The following OR5K1 variants were observed in gnomAD, a reference collection of about 807,000 sequenced individuals.
OR5K1 encodes the protein olfactory receptor family 5 subfamily K member 1.
Under a neutral mutation model 10.4 loss-of-function variants are expected in OR5K1, and 7 were observed. The observed-to-expected ratio is 0.67, with a 90% CI of 0.38 to 1.26. OR5K1 has a LOEUF of 1.26. Ranked by LOEUF, OR5K1 falls within the 50% of genes most tolerant of loss-of-function variation. OR5K1 has a pLI of 0.02. For synonymous variants in OR5K1, 135 were observed against 128.5 expected (o/e 1.05, Z -0.34); for missense variants, 435 against 366.2 (o/e 1.19, Z -1.53).
intron 1 of OR5K1, among the ~76,000 whole-genome samples, chr3:98,465,125 T>A (rs1705355855): frequency 2.0e-5 from 3 of 152,208 alleles, no homozygotes; most frequent in Admixed American, 2.0e-4. Context: ...GACCTCTAAT[T>A]TTTATTGCAT....
Position 98,470,699 on chromosome 3 carries a change from T to C in OR5K1, c.*196T>C. On this transcript the variant is annotated 3_prime_UTR_variant, in exon 2 of 2. Transcript: ENST00000642057. The stretch of plus-strand genomic sequence containing the variant: ...AAGAGTAAACTGTGGTAAATCTTAA[T>C]TCAAAATAACAAAAATGAAATTCTA... 2 of 365,782 alleles carry C rather than the reference T, an allele frequency of 5.5e-6. No individual in the cohort carries two copies. Among genetic ancestry groups the C allele is most frequent in the Non-Finnish European group, 9.8e-6 (2 of 204,022 alleles). The allele number at this position is 365,782 out of a possible 1,614,324, so 22.7% of individuals were successfully genotyped here. A position where few individuals can be genotyped will look rare whatever the true frequency, so the allele number is the denominator to read the frequency against.
At position 98,470,180 on chromosome 3, in the gene OR5K1, T is replaced by G. The variant is rs781268880; in HGVS notation, c.604T>G (p.Phe202Val). ...TATCAATGAACTGGTTCTATTCATC[T>G]TCTCAGGTTCAGTTCAAGTCTTTAC... is the stretch of plus-strand genomic sequence containing the variant. ...PYINELVLFI[F>V]SGSVQVFTIG... is the part of the protein sequence containing the mutation. The change falls in exon 2 of 2, where the codon TTC becomes GTC. Residue 202 changes from phenylalanine (F) to valine (V), a missense_variant. Transcript: ENST00000642057. 3.1e-6 allele frequency: 5 copies of G among 1,613,404 alleles called. No homozygotes were observed. The South Asian group carries it at 4.4e-5, about 14-fold the overall frequency.
Position 98,470,336 on chromosome 3 carries a change from T to G in OR5K1, c.760T>G (p.Ser254Ala). 6.2e-7 allele frequency: 1 copy of G among 1,613,288 alleles called. No individual in the cohort carries two copies. The highest frequency in any genetic ancestry group is 8.5e-7 in the Non-Finnish European group (1 of 1,179,596). Residue 254 changes from serine to alanine, a missense_variant, in exon 2 of 2, where the codon TCT becomes GCT. Ser to Ala is a moderately conservative substitution (Grantham distance 99, BLOSUM62 1). Coordinates refer to ENST00000642057, the MANE Select transcript of OR5K1 (RefSeq NM_001004736.4). ...TTTGTCAGTTTCATTATTCTATGGATCTCTTTTCTTCATGTACGTTAGACC... is the reference window on the plus strand; with the variant it reads ...TTTGTCAGTTTCATTATTCTATGGAGCTCTTTTCTTCATGTACGTTAGACC... ...HFLSVSLFYGSLFFMYVRPNL... is the reference protein window; with the variant it reads ...HFLSVSLFYGALFFMYVRPNL...
chr3:98,467,936 T>A (rs573231314), intron 1 of OR5K1, among the ~76,000 whole-genome samples: 1 of 151,636 alleles, frequency 6.6e-6, no homozygotes, highest in South Asian at 2.1e-4. Flanking sequence ...TCCAACACTA[T>A]GTTGAATAGG....
Position 98,470,081 on chromosome 3 carries a change from T to C in OR5K1, c.505T>C (p.Cys169Arg). 1 of 1,613,736 alleles carries C rather than the reference T, an allele frequency of 6.2e-7. No individual in the cohort carries two copies. The change falls in exon 2 of 2, where the codon TGT (cysteine) becomes CGT (arginine). Residue 169 changes from cysteine to arginine, a missense_variant. Transcript: ENST00000642057. ...AGGGCTTGTATTTAGGTTAGTTTTC[T>C]GTGGATCGAATCACATCAACCACTT... Reference protein sequence around the residue: ...HVGLVFRLVFCGSNHINHFYC... With the variant: ...HVGLVFRLVFRGSNHINHFYC...
intron 1 of OR5K1, among the ~76,000 whole-genome samples, chr3:98,464,266 C>T (rs529551869): frequency 2.0e-5 from 3 of 152,188 alleles, no homozygotes; most frequent in African/African-American, 7.2e-5. Context: ...AAAAAATAAA[C>T]TTTAAAAAAA....
At chr3:98,465,901 A>AT (rs1705368628) in intron 1 of OR5K1, among the ~76,000 whole-genome samples, 13 of 147,590 alleles carry the variant, frequency 8.8e-5, no homozygotes, top group African/African-American at 2.5e-4. Context: ...TTTTTTTTTA[A>AT]TTTTTTTTTA....
At chr3:98,466,011 T>C (rs1160363579) in intron 1 of OR5K1, among the ~76,000 whole-genome samples, 1 of 152,004 alleles carries the variant, frequency 6.6e-6, no homozygotes, top group Non-Finnish European at 1.5e-5. Flanking sequence ...ACGTGTCATC[T>C]AGCATTAGGT....
chr3:98,464,321 T>C (rs1297499362), intron 1 of OR5K1, among the ~76,000 whole-genome samples: 2 of 152,184 alleles, frequency 1.3e-5, no homozygotes, highest in Non-Finnish European at 2.9e-5. Flanking sequence ...ATTTGAAAGT[T>C]AGTAATACCT....
Position 98,470,368 on chromosome 3 carries a change from G to C in OR5K1, c.792G>C (p.Leu264Phe). Reference sequence around the variant, plus strand: ...TCTTCATGTACGTTAGACCAAATTTGCTTGAAGAAGGGGATAAAGATATAC... The same window carrying C: ...TCTTCATGTACGTTAGACCAAATTTCCTTGAAGAAGGGGATAAAGATATAC... Reference protein sequence around the residue: ...SLFFMYVRPNLLEEGDKDIPA... With the variant: ...SLFFMYVRPNFLEEGDKDIPA... Residue 264 changes from leucine to phenylalanine, a missense_variant, in exon 2 of 2, where the codon TTG becomes TTC. By Grantham distance (22) the Leu-to-Phe change is conservative (BLOSUM62 0). Transcript: ENST00000642057. 6.2e-7 allele frequency: 1 copy of C among 1,612,934 alleles called. No individual in the cohort carries two copies. The highest frequency in any genetic ancestry group is 8.5e-7 in the Non-Finnish European group (1 of 1,179,358).
chr3:98,469,454 G>A (rs1001551429), intron 1 of OR5K1, 112 bp from the exon 2 acceptor site: 1 of 1,017,736 alleles, frequency 9.8e-7, no homozygotes, highest in South Asian at 1.7e-5. Context: ...CAAAGTCCAG[G>A]CAACATGAGG....
At chr3:98,466,738 A>T (rs1194785995) in intron 1 of OR5K1, among the ~76,000 whole-genome samples, 1 of 127,536 alleles carries the variant, frequency 7.8e-6, no homozygotes, top group African/African-American at 3.6e-5. Flanking sequence ...CCACTTTTTG[A>T]TGGGGTTGTT....
chr3:98,468,546 C>T (rs1017020365), intron 1 of OR5K1, among the ~76,000 whole-genome samples: 1 of 152,060 alleles, frequency 6.6e-6, no homozygotes, highest in Non-Finnish European at 1.5e-5. Flanking sequence ...TTTGACTACT[C>T]TAGGTACCTG....
chr3:98,466,722 C>T (rs1223219238), intron 1 of OR5K1, among the ~76,000 whole-genome samples: 6 of 127,846 alleles, frequency 4.7e-5, no homozygotes, highest in African/African-American at 2.1e-4. Flanking sequence ...TGTTCATGTC[C>T]TTCGCCCACT....
intron 1 of OR5K1, among the ~76,000 whole-genome samples, chr3:98,467,753 A>G (rs1705390342): frequency 1.5e-5 from 2 of 136,678 alleles, no homozygotes; most frequent in South Asian, 2.6e-4. Context: ...TTGATTTTGT[A>G]TCCTGAGACT....
rs78443530 is a variant in OR5K1, at chr3:98,471,983, C to A, written c.*1480C>A. On this transcript the variant is annotated 3_prime_UTR_variant, in exon 2 of 2. Transcript: ENST00000642057. Reference sequence around the variant, plus strand: ...AAATTCCATCAATTTAGGATTTACCCAACACTACCTACATCCTTCCTTCAT... The same window carrying A: ...AAATTCCATCAATTTAGGATTTACCAAACACTACCTACATCCTTCCTTCAT... 0.03 allele frequency: 4,531 copies of A among 152,040 alleles called. 123 individuals carry two copies. Among genetic ancestry groups the A allele is most frequent in the Non-Finnish European group, 0.047 (3,219 of 67,930 alleles). 9.4% of individuals were successfully genotyped at this position (152,040 alleles called of 1,614,324 possible).
rs1269625896 is a variant in OR5K1 at position 98,471,204 on chromosome 3, A to G, written c.*701A>G. 1 of 152,046 alleles carries G rather than the reference A, an allele frequency of 6.6e-6. No individual in the cohort carries two copies. The highest frequency in any genetic ancestry group is 1.5e-5 in the Non-Finnish European group (1 of 67,982). 9.4% of individuals were successfully genotyped at this position (152,046 alleles called of 1,614,324 possible). A position where few individuals can be genotyped will look rare whatever the true frequency, so the allele number is the denominator to read the frequency against. ...CCATATCTACCTGCATAAATATACC[A>G]TAACACAAACTTCCAGAAAAGCAGT... On this transcript the variant is annotated 3_prime_UTR_variant, in exon 2 of 2. Transcript: ENST00000642057.
Position 98,469,996 on chromosome 3 carries a change from C to T in OR5K1, c.420C>T (p.Leu140=). ...ACCACATCATGATGTCCAAGAAACT[C>T]TGCATTCAGATGACCACAGGGGCCT... ...LQYHIMMSKK[L]CIQMTTGAFI... Residue 140 remains leucine (L), a synonymous_variant, in exon 2 of 2, where the codon CTC becomes CTT. Transcript: ENST00000642057. 1.9e-6 allele frequency: 3 copies of T among 1,613,682 alleles called. No homozygotes were observed. The highest frequency in any genetic ancestry group is 1.1e-5 in the South Asian group (1 of 91,080).
At position 98,469,581 on chromosome 3, in the gene OR5K1, C is replaced by T; in HGVS notation, c.5C>T (p.Ala2Val). The T allele has an allele frequency of 6.2e-7, 1 of 1,607,252 alleles. No homozygotes were observed. Among genetic ancestry groups the T allele is most frequent in the Non-Finnish European group, 8.5e-7 (1 of 1,175,794 alleles). Reference protein sequence around the residue: MAEENHTMKNEF... With the variant: MVEENHTMKNEF... ...TTTTTTTCAGACAAGTCAGGAATGG[C>T]TGAAGAAAATCATACCATGAAAAAT... The change falls in exon 2 of 2, where the codon GCT becomes GTT. Residue 2 changes from alanine to valine, a missense_variant. Physicochemically the swap from Ala to Val is moderately conservative, Grantham distance 64. Coordinates refer to ENST00000642057, the MANE Select transcript of OR5K1 (RefSeq NM_001004736.4).
Sources: gnomAD v4.1 joint callset for allele counts (sites outside exome capture counted in the v4.1 genomes callset) on GRCh38, gnomAD v4.1.1 for gene constraint, MANE v1.5 for transcripts, NCBI Gene and HGNC (gene_info 2026-07-23, HGNC 2026-07-21) for gene names.